ADAMTSL3: variants seen among roughly 807,000 people sequenced by gnomAD.
The protein encoded by ADAMTSL3 is ADAMTS like 3.
A neutral mutation model predicts 201.7 loss-of-function variants in ADAMTSL3; 128 were observed. The observed-to-expected ratio is 0.63, with a 90% CI of 0.55 to 0.73. The LOEUF is 0.73. Ranked by LOEUF, ADAMTSL3 falls within the 30% of genes least tolerant of loss-of-function variation. The pLI is 0.00. For synonymous variants in ADAMTSL3, 738 were observed against 748.4 expected (o/e 0.99, Z 0.23); for missense variants, 1,990 against 2,119.6 (o/e 0.94, Z 1.20).
intron 28 of ADAMTSL3, among the ~76,000 whole-genome samples, chr15:84,033,193 T>G (rs1255652861): frequency 6.6e-6 from 1 of 152,154 alleles, no homozygotes; most frequent in African/African-American, 2.4e-5. Context: ...TCCCCCTTCA[T>G]CCATCCATGC....
chr15:83,704,999 T>C (rs1280108704), intron 3 of ADAMTSL3, among the ~76,000 whole-genome samples: 1 of 147,066 alleles, frequency 6.8e-6, no homozygotes, highest in African/African-American at 2.5e-5. Flanking sequence ...TGTGTGTGTG[T>C]TGAAATCATT....
intron 9 of ADAMTSL3, among the ~76,000 whole-genome samples, chr15:83,882,757 A>G (rs953406537): frequency 6.6e-6 from 1 of 152,170 alleles, no homozygotes; most frequent in Non-Finnish European, 1.5e-5. Context: ...GTTTTCTTGA[A>G]TCCAATATTG....
chr15:83,986,601 T>A (rs534955140), intron 21 of ADAMTSL3, among the ~76,000 whole-genome samples: 1 of 152,258 alleles, frequency 6.6e-6, no homozygotes, highest in African/African-American at 2.4e-5. Flanking sequence ...GTTCAATTTA[T>A]GTTTAATTCC....
intron 15 of ADAMTSL3, among the ~76,000 whole-genome samples, chr15:83,910,312 T>G (rs2065908120): frequency 6.6e-6 from 1 of 151,868 alleles, no homozygotes; most frequent in Non-Finnish European, 1.5e-5. Flanking sequence ...TTTCAATGTA[T>G]TCCTTTCTTT....
intron 3 of ADAMTSL3, among the ~76,000 whole-genome samples, chr15:83,714,647 C>A (rs911716717): frequency 6.6e-6 from 1 of 151,824 alleles, no homozygotes; most frequent in Non-Finnish European, 1.5e-5. Flanking sequence ...GCTTTCCTTT[C>A]TTTCTCTCTC....
At chr15:83,954,903 G>T (rs1452061634) in intron 19 of ADAMTSL3, among the ~76,000 whole-genome samples, 1 of 152,196 alleles carries the variant, frequency 6.6e-6, no homozygotes, top group African/African-American at 2.4e-5. Flanking sequence ...GGTGATGCAA[G>T]CACCCCTATG....
intron 23 of ADAMTSL3, among the ~76,000 whole-genome samples, chr15:83,995,097 C>G (rs2067663511): frequency 6.6e-6 from 1 of 152,042 alleles, no homozygotes; most frequent in Non-Finnish European, 1.5e-5. Flanking sequence ...CCTTCATGCC[C>G]CTGCCTCCTG....
intron 23 of ADAMTSL3, among the ~76,000 whole-genome samples, chr15:84,001,893 G>A (rs573026604): frequency 2.6e-5 from 4 of 152,322 alleles, no homozygotes; most frequent in Non-Finnish European, 2.9e-5. Context: ...CTGCAGCAGT[G>A]GGAAAGAATG....
At chr15:83,665,573 C>T (rs1456607836) in intron 2 of ADAMTSL3, among the ~76,000 whole-genome samples, 1 of 152,158 alleles carries the variant, frequency 6.6e-6, no homozygotes, top group African/African-American at 2.4e-5. Flanking sequence ...AGTGTTCCTC[C>T]ATTGCATTAC....
chr15:83,680,426 G>T (rs1224670192), intron 2 of ADAMTSL3, among the ~76,000 whole-genome samples: 1 of 151,688 alleles, frequency 6.6e-6, no homozygotes, highest in Non-Finnish European at 1.5e-5. Context: ...CATAATCCAA[G>T]ATTCCTTTTT....
intron 2 of ADAMTSL3, among the ~76,000 whole-genome samples, chr15:83,700,962 C>G (rs940626831): frequency 6.6e-6 from 1 of 152,122 alleles, no homozygotes; most frequent in Non-Finnish European, 1.5e-5. Context: ...GTTGATTTCC[C>G]TTTCTAAAAC....
At chr15:83,849,329 G>A (rs1350637816) in intron 7 of ADAMTSL3, among the ~76,000 whole-genome samples, 1 of 152,096 alleles carries the variant, frequency 6.6e-6, no homozygotes, top group Non-Finnish European at 1.5e-5. Context: ...GTCTCACTAT[G>A]TTGCCCAGGC....
At chr15:83,732,876 G>A (rs2062304238) in intron 3 of ADAMTSL3, among the ~76,000 whole-genome samples, 1 of 152,106 alleles carries the variant, frequency 6.6e-6, no homozygotes, top group African/African-American at 2.4e-5. Context: ...CATTCCGAAT[G>A]TGATTCCTGT....
At chr15:83,940,898 G>A (rs977078786) in intron 17 of ADAMTSL3, among the ~76,000 whole-genome samples, 3 of 151,904 alleles carry the variant, frequency 2.0e-5, no homozygotes, top group Non-Finnish European at 4.4e-5. Flanking sequence ...TGTAGGACTT[G>A]ACCACAAAAC....
At chr15:84,017,406 T>C (rs966583083) in intron 25 of ADAMTSL3, among the ~76,000 whole-genome samples, 10 of 152,332 alleles carry the variant, frequency 6.6e-5, no homozygotes, top group Admixed American at 2.0e-4. Flanking sequence ...CGTGAGCCAC[T>C]GTGCCCGGCC....
chr15:83,756,604 C>A (rs1385346292), intron 3 of ADAMTSL3, among the ~76,000 whole-genome samples: 1 of 151,580 alleles, frequency 6.6e-6, no homozygotes, highest in African/African-American at 2.4e-5. Context: ...CCCCTGCCCC[C>A]CCCCCAAATC....
chr15:83,712,170 C>T (rs559512319), intron 3 of ADAMTSL3, among the ~76,000 whole-genome samples: 22 of 152,304 alleles, frequency 1.4e-4, no homozygotes, highest in African/African-American at 5.3e-4. Context: ...TGAAAGAAAG[C>T]AAGTAGACTT....
rs373094679 is a variant in ADAMTSL3 at position 83,822,370 on chromosome 15, C to T, written c.600+2323C>T. Among the ~76,000 whole-genome samples the T allele has an allele frequency of 5.4e-4, 78 of 143,772 alleles. No homozygotes were observed. In the East Asian group the frequency reaches 0.013, roughly 24 times the overall value. The allele number at this position is 143,772 out of a possible 152,430, so 94.3% of individuals were successfully genotyped here. Reference sequence around the variant, plus strand: ...CTCACTTCTCAGACGGGGCGGCTGCCGGGCGGAGGGTCTCCTCACTTCTCA... The same window carrying T: ...CTCACTTCTCAGACGGGGCGGCTGCTGGGCGGAGGGTCTCCTCACTTCTCA... On this transcript the variant is annotated intron_variant, in intron 6 of 29. Coordinates refer to ENST00000286744, the MANE Select transcript of ADAMTSL3 (RefSeq NM_207517.3).
chr15:84,010,083 T>C (rs1265855773), intron 23 of ADAMTSL3, among the ~76,000 whole-genome samples: 1 of 152,272 alleles, frequency 6.6e-6, no homozygotes, highest in African/African-American at 2.4e-5. Context: ...CTTTCAAGTC[T>C]ATGAATTGCT....
Sources: allele counts gnomAD v4.1 joint callset (sites outside exome capture counted in the v4.1 genomes callset), GRCh38; gene constraint gnomAD v4.1.1; transcripts MANE v1.5; gene names NCBI Gene and HGNC (gene_info 2026-07-23, HGNC 2026-07-21).